SCARA5: variants seen among roughly 807,000 people sequenced by gnomAD.
SCARA5 encodes scavenger receptor class A member 5, also known as scavenger receptor class A, member 5 (putative).
Under a neutral mutation model 46.3 loss-of-function variants are expected in SCARA5, and 45 were observed. That is an observed-to-expected ratio of 0.97 (90% confidence interval 0.76 to 1.24). SCARA5 has a LOEUF of 1.24. Among genes scored for constraint, SCARA5 ranks in the 50% most tolerant of loss-of-function variants. The pLI, the probability that SCARA5 is intolerant of heterozygous loss-of-function variation, is 0.00. For missense variants in SCARA5, 680 were observed against 689.0 expected, an observed-to-expected ratio of 0.99 and a Z score of 0.15; for synonymous variants, 333 against 306.5, an observed-to-expected ratio of 1.09 and a Z score of -0.90.
In SCARA5 at chr8:27,909,737, G is replaced by C. The variant is rs754297792; in HGVS notation, c.923C>G (p.Pro308Arg). Residue 308 changes from proline (P) to arginine (R), a missense_variant, in exon 5 of 9, where the codon CCG becomes CGG. Physicochemically the swap from Pro to Arg is moderately radical, Grantham distance 103. Coordinates refer to ENST00000354914, the MANE Select transcript of SCARA5 (RefSeq NM_173833.6). ...ATCCCCCTGATCACCTTTGGGTCCC[G>C]GTGGCCCTGGAAAGGCAAAAACAGC... ...LRNISLAKGP[P>R]GPKGDQGDEG... The C allele has an allele frequency of 1.3e-6, 2 of 1,550,760 alleles. No homozygotes were observed. Among genetic ancestry groups the C allele is most frequent in the Non-Finnish European group, 1.7e-6 (2 of 1,146,604 alleles).
At chr8:27,942,443 G>A (rs1049740865) in intron 3 of SCARA5, among the ~76,000 whole-genome samples, 1 of 152,140 alleles carries the variant, frequency 6.6e-6, no homozygotes, top group African/African-American at 2.4e-5. Flanking sequence ...CTCTCTCACT[G>A]TTAGGAAAGC....
intron 7 of SCARA5, among the ~76,000 whole-genome samples, chr8:27,900,978 T>C (rs1044970690): frequency 1.3e-5 from 2 of 152,010 alleles, no homozygotes; most frequent in African/African-American, 2.4e-5. Context: ...CTCTCTGTTG[T>C]TGGTCTCTGT....
intron 5 of SCARA5, among the ~76,000 whole-genome samples, 166 bp downstream of exon 5, chr8:27,909,497 A>C (rs534468890): frequency 1.3e-4 from 20 of 152,202 alleles, no homozygotes; most frequent in African/African-American, 4.8e-4. Context: ...GCTGCATCCC[A>C]CCGTGACACC....
intron 3 of SCARA5, among the ~76,000 whole-genome samples, chr8:27,943,026 G>T (rs772301952): frequency 1.2e-4 from 18 of 152,306 alleles, no homozygotes; most frequent in Non-Finnish European, 2.2e-4. Flanking sequence ...CACCCTCTGT[G>T]TTCCATTCTG....
chr8:27,929,812 T>C (rs1807740882), intron 3 of SCARA5, among the ~76,000 whole-genome samples: 1 of 152,172 alleles, frequency 6.6e-6, no homozygotes, highest in Non-Finnish European at 1.5e-5. Flanking sequence ...CTTCCTTTAC[T>C]CTTCCCAGCA....
chr8:27,974,650 A>G (rs1451114389), intron 2 of SCARA5, among the ~76,000 whole-genome samples: 1 of 152,044 alleles, frequency 6.6e-6, no homozygotes. Flanking sequence ...TGACTTCACA[A>G]TGGTTACTCA....
At chr8:27,916,036 CA>C (rs1213260310) in intron 4 of SCARA5, among the ~76,000 whole-genome samples, 2 of 152,186 alleles carry the variant, frequency 1.3e-5, no homozygotes, top group African/African-American at 4.8e-5. Context: ...CTGCTTCTTT[CA>C]AACCCACAGG....
chr8:27,899,649 C>T (rs1422243379), intron 7 of SCARA5, among the ~76,000 whole-genome samples: 2 of 152,258 alleles, frequency 1.3e-5, no homozygotes, highest in African/African-American at 4.8e-5. Context: ...CAAGCCTAAA[C>T]TCCTGACCAC....
intron 2 of SCARA5, among the ~76,000 whole-genome samples, chr8:27,970,978 T>C (rs2129949726): frequency 6.6e-6 from 1 of 152,304 alleles, no homozygotes; most frequent in Admixed American, 6.5e-5. Context: ...TATGCGGCAA[T>C]AGATAACTAA....
chr8:27,885,700 C>T (rs1004918772), intron 7 of SCARA5, among the ~76,000 whole-genome samples: 4 of 152,218 alleles, frequency 2.6e-5, no homozygotes, highest in African/African-American at 9.6e-5. Context: ...CACATACTTG[C>T]TGCCTTCTCT....
chr8:27,881,794 C>T (rs1806817104), intron 7 of SCARA5, among the ~76,000 whole-genome samples: 1 of 152,184 alleles, frequency 6.6e-6, no homozygotes, highest in South Asian at 2.1e-4. Flanking sequence ...CCTCCCTCTA[C>T]ACACAGCCTC....
Position 27,871,971 on chromosome 8 carries a change from TGTCCACA to T in SCARA5, c.1444_1450del (p.Cys482MetfsTer7), listed in dbSNP as rs1311100733. 6.2e-7 allele frequency: 1 copy of T among 1,614,260 alleles called. No homozygotes were observed. ...GCATGTCACGCTGGCATCTTCGGCA[TGTCCACA>T]GTTTGTCACCCCCCATTTGGAGAAG... is the stretch of plus-strand genomic sequence containing the variant. On this transcript the variant is annotated frameshift_variant, in exon 9 of 9. Coordinates refer to ENST00000354914, the MANE Select transcript of SCARA5 (RefSeq NM_173833.6). LOFTEE classifies it high-confidence loss of function.
At chr8:27,991,695 A>G (rs1347754158) in intron 1 of SCARA5, among the ~76,000 whole-genome samples, 1 of 152,212 alleles carries the variant, frequency 6.6e-6, no homozygotes, top group African/African-American at 2.4e-5. Flanking sequence ...CTCCAAAGAG[A>G]GAATCACTAA....
At chr8:27,990,325 G>A (rs1808770388) in intron 1 of SCARA5, among the ~76,000 whole-genome samples, 1 of 152,152 alleles carries the variant, frequency 6.6e-6, no homozygotes, top group Non-Finnish European at 1.5e-5. Context: ...TGTTCTGTCT[G>A]CCCAAGGTTT....
At chr8:27,908,490 A>C (rs1161206419) in intron 5 of SCARA5, among the ~76,000 whole-genome samples, 1 of 152,210 alleles carries the variant, frequency 6.6e-6, no homozygotes, top group African/African-American at 2.4e-5. Flanking sequence ...TCCTGCTTGG[A>C]ATATGAGTTG....
chr8:27,934,666 C>T (rs184792884), intron 3 of SCARA5, among the ~76,000 whole-genome samples: 1 of 152,312 alleles, frequency 6.6e-6, no homozygotes, highest in Admixed American at 6.5e-5. Flanking sequence ...GGATTCATCT[C>T]CCCCAGAGCT....
intron 5 of SCARA5, among the ~76,000 whole-genome samples, chr8:27,909,402 T>C (rs984586959): frequency 1.3e-5 from 2 of 152,168 alleles, no homozygotes; most frequent in African/African-American, 4.8e-5. Context: ...CCCTGGCTCC[T>C]GGGCTGGGAA....
intron 3 of SCARA5, among the ~76,000 whole-genome samples, chr8:27,923,557 G>A (rs1055064899): frequency 1.3e-5 from 2 of 152,068 alleles, no homozygotes; most frequent in Admixed American, 6.6e-5. Context: ...TTTGTTTGTT[G>A]TGTTTTCTGT....
At chr8:27,892,953 A>G (rs1807010547) in intron 7 of SCARA5, among the ~76,000 whole-genome samples, 1 of 152,100 alleles carries the variant, frequency 6.6e-6, no homozygotes, top group African/African-American at 2.4e-5. Flanking sequence ...TGGGAGCAAC[A>G]GGGCATGTCA....
Sources: gnomAD v4.1 joint callset for allele counts (sites outside exome capture counted in the v4.1 genomes callset) on GRCh38, gnomAD v4.1.1 for gene constraint, MANE v1.5 for transcripts, NCBI Gene and HGNC (gene_info 2026-07-23, HGNC 2026-07-21) for gene names.